The following SPRY3 variants were observed in gnomAD, a reference collection of about 807,000 sequenced individuals.
The protein encoded by SPRY3 is sprouty RTK signaling antagonist 3.
SPRY3 carries 15 observed loss-of-function variants against 20.2 expected under a neutral mutation model. The ratio of observed to expected loss-of-function variants is 0.74; its 90% confidence interval spans 0.50 to 1.14. SPRY3 has a LOEUF of 1.14. Ranked by LOEUF, SPRY3 falls within the 50% of genes most tolerant of loss-of-function variation. The probability of loss-of-function intolerance (pLI) is 0.00; values close to 1 mark genes in which losing one functional copy is unlikely to be tolerated. For synonymous variants in SPRY3, 143 were observed against 136.5 expected, an observed-to-expected ratio of 1.05 and a Z score of -0.33; for missense variants, 364 against 363.9, an observed-to-expected ratio of 1.00 and a Z score of 0.00.
chrX:155,760,942 A>T lies in SPRY3; in HGVS notation c.-281-7020A>T, dbSNP rs996172658. On this transcript the variant is annotated intron_variant, in intron 2 of 3. Transcript: ENST00000675360. ...GATTTGGTCCAAAATGTCAATCCTT[A>T]TACATTTTCCTGGAATTTGTCTCTA... is the stretch of plus-strand genomic sequence containing the variant. Among the ~76,000 whole-genome samples, 48 of 152,082 alleles carry T rather than the reference A, an allele frequency of 3.2e-4. 1 individual carries two copies. Among genetic ancestry groups the T allele is most frequent in the African/African-American group, 1.1e-3 (47 of 41,404 alleles).
At chrX:155,662,556 G>C (rs1456448994) in intron 2 of SPRY3, among the ~76,000 whole-genome samples, 1 of 109,609 alleles carries the variant, frequency 9.1e-6, no homozygotes, top group Non-Finnish European at 1.9e-5. Context: ...GCTGAGCAAT[G>C]TGCAGTTGTG....
chrX:155,767,382 C>T lies in SPRY3; in HGVS notation c.-281-580C>T, dbSNP rs191953337. On this transcript the variant is annotated intron_variant, in intron 2 of 3. Transcript: ENST00000675360. ...CACACTGCCAACTCACTCCCTGCCC[C>T]CACTGCAGATTATATACCAACACAC... 1.4e-3 allele frequency among the ~76,000 whole-genome samples: 206 copies of T among 152,196 alleles called. 1 individual carries two copies. Among genetic ancestry groups the T allele is most frequent in the Non-Finnish European group, 2.5e-3 (172 of 68,024 alleles).
intron 2 of SPRY3, among the ~76,000 whole-genome samples, chrX:155,762,909 C>T (rs781100167): frequency 1.3e-5 from 2 of 152,268 alleles, no homozygotes; most frequent in African/African-American, 4.8e-5. Context: ...AAGACACATG[C>T]ACTCATATGT....
intron 2 of SPRY3, among the ~76,000 whole-genome samples, chrX:155,682,906 G>A (rs974048405): frequency 2.7e-5 from 3 of 111,713 alleles, no homozygotes; most frequent in Admixed American, 9.5e-5. Flanking sequence ...GAGTTTGGAA[G>A]AAGTTGATTC....
chrX:155,624,405 CAAAT>C (rs1359689609), intron 1 of SPRY3, among the ~76,000 whole-genome samples: 1 of 111,711 alleles, frequency 9.0e-6, no homozygotes, highest in Non-Finnish European at 1.9e-5. Flanking sequence ...CAGAAAAACA[CAAAT>C]GAAGAAAAGT....
chrX:155,676,485 C>T (rs1338044131), intron 2 of SPRY3, among the ~76,000 whole-genome samples: 13 of 111,157 alleles, frequency 1.2e-4, no homozygotes, highest in Admixed American at 1.2e-3. Context: ...CCTCTCTGGA[C>T]CTTAGTGGCA....
At chrX:155,634,572 G>A (rs940298731) in intron 1 of SPRY3, among the ~76,000 whole-genome samples, 3 of 111,886 alleles carry the variant, frequency 2.7e-5, no homozygotes, top group African/African-American at 9.7e-5. Flanking sequence ...TGTGACATGA[G>A]TTGGGAGACA....
intron 2 of SPRY3, among the ~76,000 whole-genome samples, chrX:155,711,322 C>A (rs2090984626): frequency 6.6e-6 from 1 of 151,352 alleles, no homozygotes; most frequent in Non-Finnish European, 1.5e-5. Context: ...ATTACAGATT[C>A]TTCTAGTTAC....
At chrX:155,619,692 C>T (rs782112837) in intron 1 of SPRY3, among the ~76,000 whole-genome samples, 2 of 111,289 alleles carry the variant, frequency 1.8e-5, no homozygotes, top group Non-Finnish European at 3.8e-5. Context: ...AAGTGATAAA[C>T]TTCATTAACA....
At chrX:155,756,825 G>C (rs2091285205) in intron 2 of SPRY3, among the ~76,000 whole-genome samples, 1 of 151,866 alleles carries the variant, frequency 6.6e-6, no homozygotes, top group Non-Finnish European at 1.5e-5. Context: ...ATGTTGTGTT[G>C]GGAAAATATA....
chrX:155,667,544 A>C (rs782155239), intron 2 of SPRY3, among the ~76,000 whole-genome samples: 1 of 110,913 alleles, frequency 9.0e-6, no homozygotes, highest in South Asian at 3.8e-4. Flanking sequence ...AAAATGAGGA[A>C]ACTCCTATCT....
At chrX:155,748,967 C>T (rs2091243702) in intron 2 of SPRY3, among the ~76,000 whole-genome samples, 1 of 151,640 alleles carries the variant, frequency 6.6e-6, no homozygotes, top group East Asian at 1.9e-4. Flanking sequence ...ATCCACCAGA[C>T]TCAACCAACA....
At chrX:155,727,882 T>C (rs1012433161) in intron 2 of SPRY3, among the ~76,000 whole-genome samples, 7 of 152,196 alleles carry the variant, frequency 4.6e-5, no homozygotes, top group Non-Finnish European at 5.9e-5. Context: ...GAAGAGGCAC[T>C]CTGATTTTTA....
chrX:155,615,452 G>A (rs1412882330), intron 1 of SPRY3, among the ~76,000 whole-genome samples: 2 of 112,007 alleles, frequency 1.8e-5, no homozygotes, highest in Non-Finnish European at 3.8e-5. Context: ...TGTGAACTTC[G>A]ATTTATCAAA....
chrX:155,758,526 A>G (rs1318226004), intron 2 of SPRY3, among the ~76,000 whole-genome samples: 2 of 152,182 alleles, frequency 1.3e-5, no homozygotes, highest in Admixed American at 6.5e-5. Flanking sequence ...TGGTGTCACC[A>G]CTGCTGAATC....
intron 1 of SPRY3, among the ~76,000 whole-genome samples, chrX:155,634,368 G>A (rs1225085755): frequency 9.0e-6 from 1 of 111,715 alleles, no homozygotes; most frequent in African/African-American, 3.3e-5. Context: ...CCTTTATCAT[G>A]TGTGGACTTG....
chrX:155,667,195 C>T (rs12862744), intron 2 of SPRY3, among the ~76,000 whole-genome samples: 2 of 110,974 alleles, frequency 1.8e-5, no homozygotes, highest in African/African-American at 6.5e-5. Flanking sequence ...AAGGACAATT[C>T]TTTTGAAAAA....
chrX:155,709,291 T>C (rs2090971119), intron 2 of SPRY3, among the ~76,000 whole-genome samples: 2 of 151,782 alleles, frequency 1.3e-5, no homozygotes, highest in Admixed American at 6.6e-5. Context: ...CCGCCAACAA[T>C]GTATAAAGGT....
intron 2 of SPRY3, among the ~76,000 whole-genome samples, chrX:155,670,515 C>T (rs1045199851): frequency 7.1e-5 from 8 of 112,054 alleles, no homozygotes; most frequent in Non-Finnish European, 1.5e-4. Flanking sequence ...TGTTTTGGCT[C>T]TGCTACTAAC....
Sources: allele counts gnomAD v4.1 joint callset (sites outside exome capture counted in the v4.1 genomes callset), GRCh38; gene constraint gnomAD v4.1.1; transcripts MANE v1.5; gene names NCBI Gene and HGNC (gene_info 2026-07-23, HGNC 2026-07-21).